Variants in PTK2 observed in about 807,000 individuals in gnomAD.
PTK2 encodes the protein focal adhesion kinase 1.
Under a neutral mutation model 150.1 loss-of-function variants are expected in PTK2, and 45 were observed. That is an observed-to-expected ratio of 0.30 (90% CI 0.24 to 0.38). PTK2 has a LOEUF of 0.38. Ranked by LOEUF, PTK2 falls within the 10% of genes least tolerant of loss-of-function variation. The pLI, the probability that PTK2 is intolerant of heterozygous loss-of-function variation, is 1.00. For synonymous variants in PTK2, 432 were observed against 449.2 expected (o/e 0.96, Z 0.48); for missense variants, 919 against 1,307.3 (o/e 0.70, Z 4.58).
At chr8:140,918,146 T>C (rs958206209) in intron 2 of PTK2, among the ~76,000 whole-genome samples, 2 of 152,112 alleles carry the variant, frequency 1.3e-5, no homozygotes, top group African/African-American at 4.8e-5. Flanking sequence ...AATGCAGAGA[T>C]GATGGTTCTA....
chr8:140,935,289 T>G (rs1603407899), intron 1 of PTK2, among the ~76,000 whole-genome samples: 1 of 152,158 alleles, frequency 6.6e-6, no homozygotes, highest in East Asian at 1.9e-4. Flanking sequence ...AAAAAATGAT[T>G]CATATCAACA....
At chr8:140,987,653 G>A (rs1283395177) in intron 1 of PTK2, among the ~76,000 whole-genome samples, 2 of 152,144 alleles carry the variant, frequency 1.3e-5, no homozygotes, top group Non-Finnish European at 1.5e-5. Context: ...TGACAATAAC[G>A]AGTGTTGCCC....
chr8:140,721,989 A>G (rs1389821955), intron 22 of PTK2, among the ~76,000 whole-genome samples: 1 of 152,220 alleles, frequency 6.6e-6, no homozygotes, highest in Non-Finnish European at 1.5e-5. Context: ...CTGAAGGCCC[A>G]TTTTCAAATG....
At chr8:140,952,298 C>T (rs1202863806) in intron 1 of PTK2, among the ~76,000 whole-genome samples, 2 of 152,048 alleles carry the variant, frequency 1.3e-5, no homozygotes, top group East Asian at 3.9e-4. Flanking sequence ...AAGAAAGGTA[C>T]AATATGGACG....
chr8:140,944,638 C>T (rs1197277067), intron 1 of PTK2, among the ~76,000 whole-genome samples: 1 of 152,224 alleles, frequency 6.6e-6, no homozygotes, highest in African/African-American at 2.4e-5. Flanking sequence ...TCAGCCGCGA[C>T]TCCTGAATCA....
At chr8:140,909,357 A>G (rs1363764417) in intron 2 of PTK2, among the ~76,000 whole-genome samples, 1 of 152,242 alleles carries the variant, frequency 6.6e-6, no homozygotes, top group Non-Finnish European at 1.5e-5. Flanking sequence ...CGTACTTTCC[A>G]TGAGTAAGAC....
Position 140,744,577 on chromosome 8 carries a change from C to T in PTK2, c.1634+75G>A, listed in dbSNP as rs575372351. The T allele has an allele frequency of 7.2e-5, 65 of 905,588 alleles. No individual in the cohort carries two copies. In the South Asian group the frequency reaches 7.4e-4, roughly 10 times the overall value. 56.1% of individuals were successfully genotyped at this position (905,588 alleles called of 1,614,324 possible). On this transcript the variant is annotated intron_variant, in intron 19 of 31. Coordinates refer to ENST00000522684, the Ensembl canonical transcript of PTK2. Reference sequence around the variant, plus strand: ...CCCTGGATCCAAAAGGGTCCAAAGACGGTCCAAATGGGTCCCTGTTTCTTG... The same window carrying T: ...CCCTGGATCCAAAAGGGTCCAAAGATGGTCCAAATGGGTCCCTGTTTCTTG...
chr8:140,709,031 A>G (rs2100035363), intron 23 of PTK2, among the ~76,000 whole-genome samples: 1 of 151,950 alleles, frequency 6.6e-6, no homozygotes, highest in African/African-American at 2.4e-5. Context: ...CCTACTTTAC[A>G]TACAATTTGA....
intron 22 of PTK2, among the ~76,000 whole-genome samples, chr8:140,729,371 T>C (rs1458768254): frequency 1.3e-5 from 2 of 152,228 alleles, no homozygotes; most frequent in Admixed American, 6.5e-5. Flanking sequence ...TCTGATTTGC[T>C]TGAAGTCAAC....
intron 14 of PTK2, among the ~76,000 whole-genome samples, chr8:140,779,574 A>T (rs369330360): frequency 6.6e-6 from 1 of 152,248 alleles, no homozygotes; most frequent in East Asian, 1.9e-4. Flanking sequence ...TTTTAGTTAG[A>T]GGAAGGTGAC....
At chr8:140,686,589 C>T (rs374549965) in intron 27 of PTK2, 43 bp downstream of exon 30, 7 of 1,520,828 alleles carry the variant, frequency 4.6e-6, no homozygotes, top group Non-Finnish European at 6.4e-6. Flanking sequence ...GGTCCACGCA[C>T]AGGAGAACTG....
chr8:140,781,852 G>C (rs2100081863), intron 14 of PTK2, among the ~76,000 whole-genome samples: 1 of 152,206 alleles, frequency 6.6e-6, no homozygotes, highest in Admixed American at 6.5e-5. Flanking sequence ...ACCCAGAGAA[G>C]AAACGGTATG....
chr8:140,804,719 G>A (rs2100097324), intron 10 of PTK2, among the ~76,000 whole-genome samples: 1 of 152,182 alleles, frequency 6.6e-6, no homozygotes, highest in South Asian at 2.1e-4. Flanking sequence ...CTAGAACGGA[G>A]TTGGAATTGT....
intron 3 of PTK2, among the ~76,000 whole-genome samples, chr8:140,888,199 A>G (rs1463691326): frequency 6.6e-6 from 1 of 152,202 alleles, no homozygotes; most frequent in Non-Finnish European, 1.5e-5. Context: ...CTCTGTATCC[A>G]TAATGTTCCT....
At chr8:140,816,411 T>G (rs2100104754) in intron 10 of PTK2, among the ~76,000 whole-genome samples, 1 of 152,232 alleles carries the variant, frequency 6.6e-6, no homozygotes, top group Non-Finnish European at 1.5e-5. Context: ...AATATCCAGC[T>G]GACACAGCAG....
At chr8:140,734,963 G>T in intron 22 of PTK2, 1 of 468,798 alleles carries the variant, frequency 2.1e-6, no homozygotes, top group Non-Finnish European at 3.9e-6. Context: ...AGTGAGGAAA[G>T]CCGGGACTAA....
intron 22 of PTK2, among the ~76,000 whole-genome samples, chr8:140,722,459 A>G (rs1334096325): frequency 6.6e-6 from 1 of 151,530 alleles, no homozygotes. Flanking sequence ...AATAAATAAA[A>G]ATCTCACTGT....
chr8:140,806,510 T>C (rs932895859), intron 10 of PTK2, among the ~76,000 whole-genome samples: 6 of 152,200 alleles, frequency 3.9e-5, no homozygotes, highest in Non-Finnish European at 7.4e-5. Flanking sequence ...GTTATTGCTA[T>C]CTCATAATTA....
At chr8:140,902,936 T>TG (rs1568515480) in intron 2 of PTK2, among the ~76,000 whole-genome samples, 6 of 137,562 alleles carry the variant, frequency 4.4e-5, no homozygotes, top group South Asian at 4.8e-4. Flanking sequence ...TTTTTTTTTT[T>TG]TTTTTTTTTT....
Sources: gnomAD v4.1 joint callset for allele counts (sites outside exome capture counted in the v4.1 genomes callset) on GRCh38, gnomAD v4.1.1 for gene constraint, MANE v1.5 for transcripts, NCBI Gene and HGNC (gene_info 2026-07-23, HGNC 2026-07-21) for gene names.